Variants in ATG13 observed in about 807,000 individuals in gnomAD.
ATG13 encodes autophagy-related protein 13.
A neutral mutation model predicts 65.5 loss-of-function variants in ATG13; 23 were observed. The ratio of observed to expected loss-of-function variants is 0.35; its 90% CI spans 0.25 to 0.50. The LOEUF is 0.50. Ranked by LOEUF, ATG13 falls within the 20% of genes least tolerant of loss-of-function variation. ATG13 has a pLI of 0.98. For synonymous variants in ATG13, 252 were observed against 245.2 expected, an observed-to-expected ratio of 1.03 and a Z score of -0.26; for missense variants, 566 against 677.0, an observed-to-expected ratio of 0.84 and a Z score of 1.82.
intron 9 of ATG13, 41 bp downstream of exon 9, chr11:46,657,232 A>G: frequency 1.3e-6 from 2 of 1,554,060 alleles, no homozygotes; most frequent in Non-Finnish European, 1.8e-6. Context: ...TCTTCCGAAA[A>G]TGTTAAAGTT....
intron 1 of ATG13, among the ~76,000 whole-genome samples, chr11:46,623,701 T>C (rs1182423138): frequency 6.6e-6 from 1 of 152,094 alleles, no homozygotes; most frequent in Non-Finnish European, 1.5e-5. Flanking sequence ...GTGCTGGGAT[T>C]ACAGGCCTGA....
At chr11:46,640,063 T>C (rs962588209) in intron 2 of ATG13, among the ~76,000 whole-genome samples, 1 of 152,102 alleles carries the variant, frequency 6.6e-6, no homozygotes, top group African/African-American at 2.4e-5. Flanking sequence ...CAGGCTGGTC[T>C]CAAACTCTTG....
chr11:46,625,175 A>G (rs561955500), intron 1 of ATG13: 35 of 151,986 alleles, frequency 2.3e-4, no homozygotes, highest in African/African-American at 8.4e-4. Context: ...CAAAAAAAAA[A>G]AAGAAAAATC....
At chr11:46,641,042 A>G (rs1591733537) in intron 2 of ATG13, among the ~76,000 whole-genome samples, 1 of 152,366 alleles carries the variant, frequency 6.6e-6, no homozygotes, top group East Asian at 1.9e-4. Context: ...AGCTAAAAAC[A>G]GGAAACAACT....
intron 1 of ATG13, 56 bp downstream of exon 1, chr11:46,617,946 C>T: frequency 2.5e-6 from 1 of 399,120 alleles, no homozygotes; most frequent in South Asian, 1.3e-4. Flanking sequence ...GGGTGGGAGG[C>T]TGTGGATCTG....
At chr11:46,656,332 G>A in intron 8 of ATG13, 59 bp downstream of exon 8, 1 of 1,485,984 alleles carries the variant, frequency 6.7e-7, no homozygotes, top group East Asian at 2.3e-5. Flanking sequence ...CTTCAGAGAT[G>A]ATCTTCGTTT....
intron 2 of ATG13, among the ~76,000 whole-genome samples, chr11:46,639,791 G>T (rs572800856): frequency 2.0e-5 from 3 of 151,608 alleles, no homozygotes; most frequent in Admixed American, 6.6e-5. Flanking sequence ...GTTTCTCTGT[G>T]GGGGGGCCTT....
intron 11 of ATG13, chr11:46,660,063 C>A (rs1592116219): frequency 6.6e-6 from 1 of 152,636 alleles, no homozygotes; most frequent in East Asian, 1.9e-4. Context: ...AGAAAGCACC[C>A]CTGTGGTCTT....
chr11:46,624,978 C>G (rs1268003165), intron 1 of ATG13, among the ~76,000 whole-genome samples: 1 of 151,964 alleles, frequency 6.6e-6, no homozygotes, highest in Non-Finnish European at 1.5e-5. Context: ...CCATGATCAT[C>G]ATGGCACTCC....
intron 14 of ATG13, among the ~76,000 whole-genome samples, chr11:46,666,446 C>T (rs1316537533): frequency 6.6e-6 from 1 of 152,140 alleles, no homozygotes; most frequent in Non-Finnish European, 1.5e-5. Flanking sequence ...CATGGAGAGC[C>T]TTTGGAACAA....
At chr11:46,646,557 G>C (rs1038761059) in intron 5 of ATG13, among the ~76,000 whole-genome samples, 11 of 151,886 alleles carry the variant, frequency 7.2e-5, no homozygotes. Context: ...TCCGCTTCCT[G>C]GATTCAAGCG....
chr11:46,650,726 C>T (rs1214274569), intron 7 of ATG13, among the ~76,000 whole-genome samples: 3 of 152,304 alleles, frequency 2.0e-5, no homozygotes, highest in Middle Eastern at 3.4e-3. Context: ...CTGCCTTAGC[C>T]TCCCGAGTAG....
chr11:46,658,857 A>G (rs1014700020), intron 10 of ATG13, among the ~76,000 whole-genome samples: 3 of 152,118 alleles, frequency 2.0e-5, no homozygotes, highest in Admixed American at 6.6e-5. Flanking sequence ...AAAGAAAAGA[A>G]AATGCTCTCT....
At chr11:46,620,124 C>G (rs895615049) in intron 1 of ATG13, among the ~76,000 whole-genome samples, 1 of 151,478 alleles carries the variant, frequency 6.6e-6, no homozygotes, top group Non-Finnish European at 1.5e-5. Flanking sequence ...GAGTTTCACT[C>G]TTGTTGCCCA....
At chr11:46,668,773 T>A in intron 16 of ATG13, 21 bp from the exon 17 acceptor site, 1 of 1,590,120 alleles carries the variant, frequency 6.3e-7, no homozygotes, top group Middle Eastern at 1.7e-4. Flanking sequence ...TCAGCCCTAA[T>A]CCTGCCTTGC....
At position 46,668,509 on chromosome 11, in the gene ATG13, C is replaced by T. The variant is rs756330086; in HGVS notation, c.1262C>T (p.Thr421Met). ...VNKPINQVTL[T>M]SLDIPFAMFA... ...CCTGTGTCTCTTCAGGTGACCCTGA[C>T]GAGTTTGGATATACCCTTTGCCATG... is the stretch of plus-strand genomic sequence containing the variant. The change falls in exon 16 of 19, where the codon ACG becomes ATG. Residue 421 changes from threonine (T) to methionine (M), a missense_variant. By Grantham distance (81) the Thr-to-Met change is moderately conservative. Coordinates refer to ENST00000683050, the MANE Select transcript of ATG13 (RefSeq NM_001346311.2). The T allele has an allele frequency of 6.8e-6, 11 of 1,614,048 alleles. No individual in the cohort carries two copies. Among genetic ancestry groups the T allele is most frequent in the Admixed American group, 1.7e-5 (1 of 60,010 alleles).
rs181599689 is a variant in ATG13, at chr11:46,657,693, G to C, written c.695+71G>C. Reference sequence around the variant, plus strand: ...AGCATCCATCCTGCACAAGCACATGGAACACTTTTCTCAGCACTCACTCTC... The same window carrying C: ...AGCATCCATCCTGCACAAGCACATGCAACACTTTTCTCAGCACTCACTCTC... On this transcript the variant is annotated intron_variant, in intron 10 of 18. Coordinates refer to ENST00000683050, the MANE Select transcript of ATG13 (RefSeq NM_001346311.2). 22 of 1,366,350 alleles carry C rather than the reference G, an allele frequency of 1.6e-5. No individual in the cohort carries two copies. In the Admixed American group the frequency reaches 2.9e-4, roughly 18 times the overall value. 84.6% of individuals were successfully genotyped at this position (1,366,350 alleles called of 1,614,324 possible).
chr11:46,665,366 T>C lies in ATG13; in HGVS notation c.1000-17T>C, dbSNP rs1300440537. 3.1e-6 allele frequency: 5 copies of C among 1,611,792 alleles called. No homozygotes were observed. Among genetic ancestry groups the C allele is most frequent in the Non-Finnish European group, 4.2e-6 (5 of 1,178,400 alleles). ...GGCATGCCATGATTCACTGTCTCTT[T>C]CCATTTTTCCCCAAAGCTGATGGTT... On this transcript the variant is annotated splice_polypyrimidine_tract_variant and intron_variant, in intron 13 of 18. Transcript: ENST00000683050.
Position 46,659,376 on chromosome 11 carries a change from TTTC to T in ATG13, c.696-13_696-11del. ...CCACCACCATAAAATTCATTATTTC[TTTC>T]TTTTCACTTTAGAACTGCTGGTGAG... On this transcript the variant is annotated splice_polypyrimidine_tract_variant and intron_variant, in intron 10 of 18. Coordinates refer to ENST00000683050, the MANE Select transcript of ATG13 (RefSeq NM_001346311.2). 1 of 1,595,832 alleles carries T rather than the reference TTTC, an allele frequency of 6.3e-7. No homozygotes were observed.
Sources: gnomAD v4.1 joint callset for allele counts (sites outside exome capture counted in the v4.1 genomes callset) on GRCh38, gnomAD v4.1.1 for gene constraint, MANE v1.5 for transcripts, NCBI Gene and HGNC (gene_info 2026-07-23, HGNC 2026-07-21) for gene names.